Variants in R3HDML observed in about 807,000 individuals in gnomAD.
The protein encoded by R3HDML is R3H domain containing like.
In R3HDML, 21 loss-of-function variants were observed where a neutral mutation model predicts 24.2. The ratio of observed to expected loss-of-function variants is 0.87; its 90% CI spans 0.62 to 1.25. The LOEUF is 1.25. Ranked by LOEUF, R3HDML falls within the 50% of genes most tolerant of loss-of-function variation. The probability of loss-of-function intolerance (pLI) is 0.00; values close to 1 mark genes in which losing one functional copy is unlikely to be tolerated. For missense variants in R3HDML, 301 were observed against 340.3 expected (o/e 0.88, Z 0.91); for synonymous variants, 133 against 131.5 (o/e 1.01, Z -0.08).
At chr20:44,340,058 G>A (rs1258238175) in intron 1 of R3HDML, among the ~76,000 whole-genome samples, 5 of 152,140 alleles carry the variant, frequency 3.3e-5, no homozygotes, top group Admixed American at 1.3e-4. Context: ...AGGTTCAAGC[G>A]ATTCTCCTGC....
At chr20:44,343,259 A>G in intron 2 of R3HDML, 118 bp from the exon 3 acceptor site, 2 of 1,285,746 alleles carry the variant, frequency 1.6e-6, no homozygotes, top group Middle Eastern at 5.2e-4. Flanking sequence ...GCTCACAGAT[A>G]GGAAACTGAG....
intron 2 of R3HDML, among the ~76,000 whole-genome samples, 172 bp from the exon 3 acceptor site, chr20:44,343,205 C>A (rs1600600136): frequency 6.6e-6 from 1 of 152,344 alleles, no homozygotes; most frequent in East Asian, 1.9e-4. Context: ...AGGCACTTCA[C>A]ATGGGTTCAG....
chr20:44,341,864 G>A (rs1378260192), intron 2 of R3HDML, among the ~76,000 whole-genome samples: 2 of 152,128 alleles, frequency 1.3e-5, no homozygotes, highest in African/African-American at 4.8e-5. Context: ...TAGCCTGAGT[G>A]ACAGAGTGAG....
At chr20:44,350,164 C>G (rs147570952) in intron 4 of R3HDML, among the ~76,000 whole-genome samples, 1 of 152,242 alleles carries the variant, frequency 6.6e-6, no homozygotes, top group African/African-American at 2.4e-5. Context: ...TACATGTGAT[C>G]TTTGCTGAAT....
In R3HDML at chr20:44,343,497, C is replaced by T. The variant is rs775242546; in HGVS notation, c.501C>T (p.Ser167=). The change falls in exon 3 of 5, where the codon TCC becomes TCT. Residue 167 remains serine (S), a synonymous_variant. Coordinates refer to ENST00000217043, the MANE Select transcript of R3HDML (RefSeq NM_178491.4). The stretch of plus-strand genomic sequence containing the variant: ...GGCGCTGCGATGGCCCCACCTGCTC[C>T]CATTATACCCAGGTACTCCTCCGTC... ...CPWRCDGPTC[S]HYTQMVWASS... is the part of the protein sequence containing the mutation. 12 of 1,607,202 alleles carry T rather than the reference C, an allele frequency of 7.5e-6. No individual in the cohort carries two copies. In the South Asian group the frequency reaches 1.2e-4, roughly 16 times the overall value.
At chr20:44,345,077 A>C (rs2062782602) in intron 3 of R3HDML, 186 bp from the exon 4 acceptor site, 1 of 595,298 alleles carries the variant, frequency 1.7e-6, no homozygotes. Flanking sequence ...TGTTGGTTGT[A>C]ATAAAAAGAA....
chr20:44,349,041 C>T (rs1377789925), intron 4 of R3HDML, among the ~76,000 whole-genome samples: 2 of 151,876 alleles, frequency 1.3e-5, no homozygotes, highest in Non-Finnish European at 2.9e-5. Context: ...GCAGGAGAAT[C>T]GCTTGAACCC....
chr20:44,345,829 CTTTT>C (rs1426944034), intron 4 of R3HDML, among the ~76,000 whole-genome samples: 1 of 147,772 alleles, frequency 6.8e-6, no homozygotes. Context: ...TTCTTTCTTT[CTTTT>C]TTTTGAGAAG....
Position 44,337,903 on chromosome 20 carries a change from A to T in R3HDML, c.261+485A>T, listed in dbSNP as rs938576809. 1.3e-5 allele frequency among the ~76,000 whole-genome samples: 2 copies of T among 152,110 alleles called. No individual in the cohort carries two copies. Among genetic ancestry groups the T allele is most frequent in the African/African-American group, 4.8e-5 (2 of 41,430 alleles). On this transcript the variant is annotated intron_variant, in intron 1 of 4. Coordinates refer to ENST00000217043, the MANE Select transcript of R3HDML (RefSeq NM_178491.4). The surrounding 1 kb of genome is among the most constrained non-coding windows in gnomAD (Gnocchi z 4.7). ...TTCTATGCTATTGTCTCTTTACCCT[A>T]AGGTCTTGACTGACACACCCACAGC...
At chr20:44,345,799 A>T (rs992993317) in intron 4 of R3HDML, among the ~76,000 whole-genome samples, 1 of 148,322 alleles carries the variant, frequency 6.7e-6, no homozygotes, top group Non-Finnish European at 1.5e-5. Context: ...AAAAAAGTCA[A>T]TTAATAATCC....
intron 1 of R3HDML, among the ~76,000 whole-genome samples, chr20:44,339,577 A>ATGTG (rs1037269097): frequency 6.4e-5 from 7 of 108,558 alleles, no homozygotes; most frequent in South Asian, 3.9e-4. Context: ...TTGCCTATAT[A>ATGTG]TATGTGTGTG....
intron 2 of R3HDML, among the ~76,000 whole-genome samples, chr20:44,343,134 C>T (rs1011770878): frequency 6.6e-6 from 1 of 152,160 alleles, no homozygotes; most frequent in Non-Finnish European, 1.5e-5. Flanking sequence ...TCCTGCCCGG[C>T]CCTCTGTATA....
At chr20:44,339,192 C>G (rs2062765730) in intron 1 of R3HDML, among the ~76,000 whole-genome samples, 1 of 152,114 alleles carries the variant, frequency 6.6e-6, no homozygotes, top group Admixed American at 6.6e-5. Flanking sequence ...ACTCGACAGC[C>G]TTTGCCCTAG....
At chr20:44,343,831 T>TTA (rs1004465860) in intron 3 of R3HDML, among the ~76,000 whole-genome samples, 1 of 151,654 alleles carries the variant, frequency 6.6e-6, no homozygotes, top group Non-Finnish European at 1.5e-5. Flanking sequence ...AAATTAAAAG[T>TTA]TATATATATA....
At chr20:44,345,797 CAATT>C (rs1341460315) in intron 4 of R3HDML, among the ~76,000 whole-genome samples, 5 of 149,682 alleles carry the variant, frequency 3.3e-5, no homozygotes, top group African/African-American at 7.3e-5. Context: ...AAAAAAAAGT[CAATT>C]AATAATCCAT....
In R3HDML at chr20:44,337,150, A is replaced by T. The variant is rs1164098092; in HGVS notation, c.-8A>T. The T allele has an allele frequency of 2.5e-6, 4 of 1,609,948 alleles. No individual in the cohort carries two copies. The highest frequency in any genetic ancestry group is 3.4e-6 in the Non-Finnish European group (4 of 1,177,700). ...CACAAGGCAGACCTGTGACTCCTCC[A>T]TCCAGCTATGCCCCTGCTGCCCAGC... On this transcript the variant is annotated 5_prime_UTR_variant, in exon 1 of 5. Coordinates refer to ENST00000217043, the MANE Select transcript of R3HDML (RefSeq NM_178491.4). This position sits in a 1 kb window ranked among gnomAD's most constrained non-coding sequence, Gnocchi z 4.7.
chr20:44,344,556 C>A (rs1004446528), intron 3 of R3HDML, among the ~76,000 whole-genome samples: 2 of 152,036 alleles, frequency 1.3e-5, no homozygotes, highest in African/African-American at 2.4e-5. Flanking sequence ...CCAAGGTGGG[C>A]AGATCACCTG....
rs1487303862 is a variant in R3HDML, at chr20:44,350,770, C to T, written c.740C>T (p.Ser247Phe). 4 of 1,613,872 alleles carry T rather than the reference C, an allele frequency of 2.5e-6. No homozygotes were observed. The African/African-American group carries it at 5.3e-5, about 22-fold the overall frequency. Residue 247 changes from serine to phenylalanine, a missense_variant, in exon 5 of 5, where the codon TCC (serine) becomes TTC (phenylalanine). Physicochemically the swap from Ser to Phe is radical, Grantham distance 155 (BLOSUM62 -2). Coordinates refer to ENST00000217043, the MANE Select transcript of R3HDML (RefSeq NM_178491.4). ...AACATGTGCTTCAAGGGGCTGAAATCCAACAAGTTCACGTGGTTCTGAATT... is the reference window on the plus strand; with the variant it reads ...AACATGTGCTTCAAGGGGCTGAAATTCAACAAGTTCACGTGGTTCTGAATT... Reference protein sequence around the residue: ...NSNMCFKGLKSNKFTWF With the variant: ...NSNMCFKGLKFNKFTWF
At chr20:44,348,236 C>T (rs2062794761) in intron 4 of R3HDML, among the ~76,000 whole-genome samples, 1 of 152,006 alleles carries the variant, frequency 6.6e-6, no homozygotes, top group Admixed American at 6.6e-5. Flanking sequence ...TAAAATAATA[C>T]CCAATCTTGG....
Sources: gnomAD v4.1 joint callset for allele counts (sites outside exome capture counted in the v4.1 genomes callset) on GRCh38, gnomAD v4.1.1 for gene constraint, Gnocchi (gnomAD v3.1) non-coding constraint, MANE v1.5 for transcripts, NCBI Gene and HGNC (gene_info 2026-07-23, HGNC 2026-07-21) for gene names.